HROB: variants seen among roughly 807,000 people sequenced by gnomAD.
HROB encodes homologous recombination factor with OB-fold.
In HROB, 44 loss-of-function variants were observed where a neutral mutation model predicts 61.0. That is an observed-to-expected ratio of 0.72 (90% CI 0.57 to 0.93). HROB has a LOEUF of 0.93. Ranked by LOEUF, HROB falls within the 40% of genes least tolerant of loss-of-function variation. The pLI is 0.00. For missense variants in HROB, 716 were observed against 796.2 expected, an observed-to-expected ratio of 0.90 and a Z score of 1.21; for synonymous variants, 301 against 310.4, an observed-to-expected ratio of 0.97 and a Z score of 0.32.
intron 9 of HROB, among the ~76,000 whole-genome samples, chr17:44,161,030 A>G (rs943810799): frequency 6.6e-6 from 1 of 151,924 alleles, no homozygotes; most frequent in Non-Finnish European, 1.5e-5. Context: ...GTGAAACCCC[A>G]TCTCTACTAA....
intron 9 of HROB, among the ~76,000 whole-genome samples, chr17:44,161,501 C>A (rs1230424469): frequency 3.9e-5 from 6 of 152,334 alleles, no homozygotes; most frequent in Non-Finnish European, 7.3e-5. Context: ...CATCTGATGG[C>A]TTTTCCCAGC....
At chr17:44,143,400 T>C (rs896669494) in intron 1 of HROB, among the ~76,000 whole-genome samples, 2 of 151,996 alleles carry the variant, frequency 1.3e-5, no homozygotes, top group Admixed American at 6.6e-5. Context: ...TCCCAGCACT[T>C]TGGGAGGCTG....
intron 9 of HROB, among the ~76,000 whole-genome samples, chr17:44,160,528 A>G (rs1002616730): frequency 6.6e-6 from 1 of 152,234 alleles, no homozygotes; most frequent in Non-Finnish European, 1.5e-5. Context: ...AGATCGTGCC[A>G]CTGCACTCCA....
At chr17:44,155,519 G>T in intron 8 of HROB, 108 bp downstream of exon 8, 1 of 1,463,038 alleles carries the variant, frequency 6.8e-7, no homozygotes. Flanking sequence ...GAAGGGGGCA[G>T]GTGCTCTGAG....
intron 1 of HROB, among the ~76,000 whole-genome samples, chr17:44,143,011 A>G (rs2143800050): frequency 6.6e-6 from 1 of 152,236 alleles, no homozygotes; most frequent in South Asian, 2.1e-4. Flanking sequence ...ATCTCCGCTC[A>G]CTGCAACCTC....
At chr17:44,155,147 G>A in intron 7 of HROB, 139 bp from the exon 8 acceptor site, 1 of 1,381,728 alleles carries the variant, frequency 7.2e-7, no homozygotes. Flanking sequence ...GTGTTAAGGG[G>A]AGATTGTGGC....
Position 44,154,781 on chromosome 17 carries a change from C to T in HROB, c.1559-72C>T, listed in dbSNP as rs2053921352. 3 of 1,596,312 alleles carry T rather than the reference C, an allele frequency of 1.9e-6. No individual in the cohort carries two copies. The Admixed American group carries it at 5.1e-5, about 27-fold the overall frequency. Reference sequence around the variant, plus strand: ...AACTGAGGCAGTGAGCAGCCCACTTCCCAGCCAGGGCCCATACCAGTCGCT... The same window carrying T: ...AACTGAGGCAGTGAGCAGCCCACTTTCCAGCCAGGGCCCATACCAGTCGCT... On this transcript the variant is annotated intron_variant, in intron 6 of 9. Coordinates refer to ENST00000585683, the MANE Select transcript of HROB (RefSeq NM_001171251.3).
At chr17:44,157,774 G>A (rs2054015218) in intron 8 of HROB, 59 bp from the exon 9 acceptor site, 1 of 1,323,778 alleles carries the variant, frequency 7.6e-7, no homozygotes, top group South Asian at 1.3e-5. Flanking sequence ...GGTAGAGGTG[G>A]TGCCATCTGA....
intron 4 of HROB, among the ~76,000 whole-genome samples, chr17:44,151,706 A>G (rs1392714199): frequency 1.3e-5 from 2 of 152,202 alleles, no homozygotes; most frequent in South Asian, 4.1e-4. Context: ...CTATAAATAT[A>G]TGTGGTGGAT....
chr17:44,150,112 C>T, intron 3 of HROB, among the ~76,000 whole-genome samples: 1 of 152,132 alleles, frequency 6.6e-6, no homozygotes, highest in Admixed American at 6.5e-5. Flanking sequence ...AAGGAGACAG[C>T]CCTGGTGAGA....
At chr17:44,142,246 C>T (rs1254657221) in intron 1 of HROB, 101 bp downstream of exon 1, 6 of 1,350,360 alleles carry the variant, frequency 4.4e-6, no homozygotes, top group East Asian at 6.1e-5. Context: ...AGTTGCAGGA[C>T]CGGGGTCTGG....
Position 44,148,766 on chromosome 17 carries a change from C to T in HROB, c.963C>T (p.Asn321=). 5 of 1,614,226 alleles carry T rather than the reference C, an allele frequency of 3.1e-6. No individual in the cohort carries two copies. Among genetic ancestry groups the T allele is most frequent in the Non-Finnish European group, 4.2e-6 (5 of 1,180,042 alleles). ...KAHLPRPRTP[N]SSCSTPSRTS... ...ATTTACCCAGACCTCGAACTCCCAACTCAAGCTGTTCTACTCCCTCAAGGA... is the reference window on the plus strand; with the variant it reads ...ATTTACCCAGACCTCGAACTCCCAATTCAAGCTGTTCTACTCCCTCAAGGA... Residue 321 remains asparagine, a synonymous_variant, in exon 3 of 10, where the codon AAC becomes AAT. Coordinates refer to ENST00000585683, the MANE Select transcript of HROB (RefSeq NM_001171251.3).
chr17:44,160,104 A>C (rs1019175986), intron 9 of HROB, among the ~76,000 whole-genome samples: 4 of 152,256 alleles, frequency 2.6e-5, no homozygotes, highest in Non-Finnish European at 5.9e-5. Context: ...CGCTACTGCT[A>C]GACCAAGGTG....
At chr17:44,144,943 T>A (rs2053568710) in intron 1 of HROB, among the ~76,000 whole-genome samples, 1 of 152,060 alleles carries the variant, frequency 6.6e-6, no homozygotes, top group Non-Finnish European at 1.5e-5. Flanking sequence ...CTCGAACTCC[T>A]GACCTCAGGA....
At chr17:44,143,917 T>A (rs996019326) in intron 1 of HROB, among the ~76,000 whole-genome samples, 1 of 152,078 alleles carries the variant, frequency 6.6e-6, no homozygotes, top group Non-Finnish European at 1.5e-5. Context: ...CTTTCTTCCC[T>A]TCCAGGATTA....
intron 2 of HROB, among the ~76,000 whole-genome samples, chr17:44,147,048 T>TGA (rs1555558320): frequency 0.02 from 2,932 of 149,256 alleles, 79 homozygotes; most frequent in African/African-American, 0.06. Context: ...TGTGTGTGTG[T>TGA]GAGAGAGAGA....
chr17:44,145,366 T>C, intron 2 of HROB, 113 bp downstream of exon 2: 1 of 1,282,420 alleles, frequency 7.8e-7, no homozygotes, highest in Non-Finnish European at 1.1e-6. Context: ...GACATGTGTA[T>C]GTTTTTGCCT....
chr17:44,152,694 A>T lies in HROB; in HGVS notation c.1366A>T (p.Thr456Ser). The change falls in exon 5 of 10, where the codon ACC (threonine) becomes TCC (serine). Residue 456 changes from threonine (T) to serine (S), a missense_variant. Thr to Ser is a moderately conservative substitution (Grantham distance 58). Coordinates refer to ENST00000585683, the MANE Select transcript of HROB (RefSeq NM_001171251.3). ...GGATTTTGGGCGAGGGCCCTGGCTG[A>T]CCATGAAATCCACGCTAGGCCTGGA... Reference protein sequence around the residue: ...EEDFGRGPWLTMKSTLGLDER... With the variant: ...EEDFGRGPWLSMKSTLGLDER... 6.2e-7 allele frequency: 1 copy of T among 1,614,188 alleles called. No individual in the cohort carries two copies.
intron 4 of HROB, among the ~76,000 whole-genome samples, chr17:44,151,837 T>A (rs2053815709): frequency 6.6e-6 from 1 of 151,070 alleles, no homozygotes; most frequent in African/African-American, 2.5e-5. Context: ...TTATTTTATG[T>A]TATTTTATTT....
Sources: gnomAD v4.1 joint callset for allele counts (sites outside exome capture counted in the v4.1 genomes callset) on GRCh38, gnomAD v4.1.1 for gene constraint, MANE v1.5 for transcripts, NCBI Gene and HGNC (gene_info 2026-07-23, HGNC 2026-07-21) for gene names.